POT1: variants seen among roughly 807,000 people sequenced by gnomAD.
POT1 encodes protection of telomeres protein 1.
In POT1, 47 loss-of-function variants were observed where a neutral mutation model predicts 78.5. That is an observed-to-expected ratio of 0.60 (90% confidence interval 0.47 to 0.76). The LOEUF is 0.76. Among genes scored for constraint, POT1 ranks in the 30% least tolerant of loss-of-function variants. The pLI, the probability that POT1 is intolerant of heterozygous loss-of-function variation, is 0.00. For missense variants in POT1, 646 were observed against 749.9 expected, an observed-to-expected ratio of 0.86 and a Z score of 1.62; for synonymous variants, 259 against 260.7, an observed-to-expected ratio of 0.99 and a Z score of 0.06.
At chr7:124,877,881 T>TAGC in intron 6 of POT1, among the ~76,000 whole-genome samples, 1 of 128,590 alleles carries the variant, frequency 7.8e-6, no homozygotes, top group East Asian at 2.5e-4. Context: ...AGTGATCACT[T>TAGC]AGCATAATGT....
intron 3 of POT1, among the ~76,000 whole-genome samples, chr7:124,903,403 C>G (rs1796674591): frequency 6.6e-6 from 1 of 152,186 alleles, no homozygotes; most frequent in East Asian, 1.9e-4. Context: ...GGAAACTGAA[C>G]AACCTGCTCC....
At chr7:124,880,603 G>T (rs1021619479) in intron 6 of POT1, among the ~76,000 whole-genome samples, 6 of 151,826 alleles carry the variant, frequency 4.0e-5, no homozygotes, top group African/African-American at 1.2e-4. Context: ...ACTGAAAATT[G>T]TTTCACATTT....
At chr7:124,893,919 T>C (rs146504939) in intron 5 of POT1, among the ~76,000 whole-genome samples, 4 of 151,698 alleles carry the variant, frequency 2.6e-5, no homozygotes, top group Non-Finnish European at 4.4e-5. Flanking sequence ...TTTCACAGTA[T>C]TGGCTTATAA....
At chr7:124,863,280 T>C in intron 8 of POT1, 70 bp downstream of exon 8, 1 of 1,439,788 alleles carries the variant, frequency 6.9e-7, no homozygotes, top group Non-Finnish European at 9.4e-7. Flanking sequence ...ATCAGAATGC[T>C]GAAACATAAG....
chr7:124,888,027 T>C (rs1236307572), intron 6 of POT1, among the ~76,000 whole-genome samples: 2 of 152,124 alleles, frequency 1.3e-5, no homozygotes, highest in Non-Finnish European at 2.9e-5. Context: ...TATATATGTA[T>C]ATATGTATAT....
intron 8 of POT1, among the ~76,000 whole-genome samples, chr7:124,861,917 T>C (rs1032300066): frequency 6.6e-6 from 1 of 152,166 alleles, no homozygotes; most frequent in Admixed American, 6.5e-5. Context: ...TGATTGTAGA[T>C]GTGTGGCGTT....
In POT1 at chr7:124,898,270, T is replaced by C. The variant is rs1174931629; in HGVS notation, c.-49A>G. 1 of 151,880 alleles carries C rather than the reference T, an allele frequency of 6.6e-6. No individual in the cohort carries two copies. The highest frequency in any genetic ancestry group is 6.6e-5 in the Admixed American group (1 of 15,210). The allele number at this position is 151,880 out of a possible 1,614,324, so 9.4% of individuals were successfully genotyped here. A position where few individuals can be genotyped will look rare whatever the true frequency, so the allele number is the denominator to read the frequency against. On this transcript the variant is annotated 5_prime_UTR_variant, in exon 4 of 19. Transcript: ENST00000357628. ...AAAGCTGCATACTTACATAAACAGT[T>C]GATTTGAGGTCTTCAAATGCTTTCA...
intron 6 of POT1, among the ~76,000 whole-genome samples, chr7:124,890,177 G>A (rs1796336031): frequency 6.6e-6 from 1 of 151,924 alleles, no homozygotes; most frequent in African/African-American, 2.4e-5. Flanking sequence ...ATGACTTTGA[G>A]GGGTTCAAGA....
rs1485680240 is a variant in POT1 at position 124,825,541 on chromosome 7, T to A, written c.1687-184A>T. Among the ~76,000 whole-genome samples, 6 of 152,266 alleles carry A rather than the reference T, an allele frequency of 3.9e-5. No homozygotes were observed. The South Asian group carries it at 1.2e-3, about 32-fold the overall frequency. On this transcript the variant is annotated intron_variant, in intron 17 of 18. Coordinates refer to ENST00000357628, the MANE Select transcript of POT1 (RefSeq NM_015450.3). ...CTCCAAAATCTTATTTACTCTTTAA[T>A]CTTAAAATAGCTTTGAGATACACGT...
chr7:124,856,942 C>T (rs1210630924), intron 9 of POT1, among the ~76,000 whole-genome samples: 1 of 152,138 alleles, frequency 6.6e-6, no homozygotes, highest in Non-Finnish European at 1.5e-5. Context: ...TATGTGCATA[C>T]ATATATACAC....
At chr7:124,870,416 T>C (rs544778567) in intron 7 of POT1, among the ~76,000 whole-genome samples, 1 of 152,244 alleles carries the variant, frequency 6.6e-6, no homozygotes, top group Admixed American at 6.5e-5. Flanking sequence ...AAAGTTCCTG[T>C]TCATATCTTA....
At chr7:124,855,024 A>C (rs1024733510) in intron 9 of POT1, among the ~76,000 whole-genome samples, 6 of 151,690 alleles carry the variant, frequency 4.0e-5, no homozygotes, top group Non-Finnish European at 7.4e-5. Flanking sequence ...AATTTTATGC[A>C]ATTCAATCAA....
chr7:124,875,297 T>C (rs767460903), intron 6 of POT1, among the ~76,000 whole-genome samples: 5 of 152,152 alleles, frequency 3.3e-5, no homozygotes, highest in Non-Finnish European at 7.4e-5. Context: ...AATTATTTCA[T>C]CACTATGCAT....
chr7:124,923,882 C>T (rs1797210335), intron 2 of POT1, among the ~76,000 whole-genome samples: 1 of 150,498 alleles, frequency 6.6e-6, no homozygotes, highest in African/African-American at 2.5e-5. Context: ...TAACATTTTC[C>T]AAGTGCTCAA....
In POT1 at chr7:124,863,345, T is replaced by C. The variant is rs977061425; in HGVS notation, c.546+5A>G. The C allele has an allele frequency of 1.2e-6, 2 of 1,606,136 alleles. No homozygotes were observed. The highest frequency in any genetic ancestry group is 1.3e-5 in the African/African-American group (1 of 74,460). On this transcript the variant is annotated splice_donor_5th_base_variant and intron_variant, in intron 8 of 18. Transcript: ENST00000357628. ...TTATAATTCCCAGTATTAAAAAATA[T>C]GTACCTTTAGAAGAAATGATGCTCC...
At chr7:124,856,068 G>A (rs973206636) in intron 9 of POT1, among the ~76,000 whole-genome samples, 1 of 152,040 alleles carries the variant, frequency 6.6e-6, no homozygotes, top group South Asian at 2.1e-4. Flanking sequence ...ATTGCTTGTA[G>A]ATGTTGATTA....
intron 6 of POT1, among the ~76,000 whole-genome samples, chr7:124,883,465 C>T (rs1467876046): frequency 6.6e-6 from 1 of 151,998 alleles, no homozygotes; most frequent in Non-Finnish European, 1.5e-5. Context: ...GTCATATTAT[C>T]TGGCATATAG....
At chr7:124,855,412 G>A (rs1452099685) in intron 9 of POT1, among the ~76,000 whole-genome samples, 1 of 151,322 alleles carries the variant, frequency 6.6e-6, no homozygotes, top group Non-Finnish European at 1.5e-5. Flanking sequence ...ACAAAATTTC[G>A]AGGCCAAGAT....
At chr7:124,868,350 G>T (rs1191687734) in intron 7 of POT1, among the ~76,000 whole-genome samples, 1 of 151,954 alleles carries the variant, frequency 6.6e-6, no homozygotes, top group Non-Finnish European at 1.5e-5. Context: ...AATCTATACA[G>T]GAGCCTCACA....
Sources: allele counts gnomAD v4.1 joint callset (sites outside exome capture counted in the v4.1 genomes callset), GRCh38; gene constraint gnomAD v4.1.1; transcripts MANE v1.5; gene names NCBI Gene and HGNC (gene_info 2026-07-23, HGNC 2026-07-21).